The following ADAMTSL1 variants were observed in gnomAD, a reference collection of about 807,000 sequenced individuals.
ADAMTSL1 encodes the protein ADAMTS like 1.
Under a neutral mutation model 201.8 loss-of-function variants are expected in ADAMTSL1, and 126 were observed. The ratio of observed to expected loss-of-function variants is 0.62; its 90% CI spans 0.54 to 0.72. The LOEUF (loss-of-function observed/expected upper bound fraction) is 0.72. Ranked by LOEUF, ADAMTSL1 falls within the 30% of genes least tolerant of loss-of-function variation. The pLI, the probability that ADAMTSL1 is intolerant of heterozygous loss-of-function variation, is 0.00. For synonymous variants in ADAMTSL1, 1,121 were observed against 903.4 expected (o/e 1.24, Z -4.32); for missense variants, 2,679 against 2,277.8 (o/e 1.18, Z -3.59).
chr9:18,161,424 AT>A (rs1186905162), intron 1 of ADAMTSL1, among the ~76,000 whole-genome samples: 2 of 152,122 alleles, frequency 1.3e-5, no homozygotes, highest in African/African-American at 4.8e-5. Flanking sequence ...GGTGATCACC[AT>A]TTTGGATAAT....
chr9:18,890,814 A>G, intron 25 of ADAMTSL1: 1 of 328,916 alleles, frequency 3.0e-6, no homozygotes, highest in Non-Finnish European at 6.0e-6. Context: ...CCAGGGATAT[A>G]AGAGGCTGGA....
At chr9:18,637,708 G>C (rs967001020) in intron 6 of ADAMTSL1, among the ~76,000 whole-genome samples, 3 of 152,072 alleles carry the variant, frequency 2.0e-5, no homozygotes, top group African/African-American at 7.2e-5. Flanking sequence ...AAATGAATGT[G>C]GGAGTGAAAG....
chr9:18,458,546 T>G (rs1286317399), intron 2 of ADAMTSL1, among the ~76,000 whole-genome samples: 1 of 152,188 alleles, frequency 6.6e-6, no homozygotes, highest in African/African-American at 2.4e-5. Flanking sequence ...TCTTCCTTCA[T>G]GTCGAGTGTC....
intron 1 of ADAMTSL1, among the ~76,000 whole-genome samples, chr9:18,483,641 C>T (rs540850438): frequency 6.6e-6 from 1 of 152,278 alleles, no homozygotes; most frequent in East Asian, 1.9e-4. Context: ...TCCTCGCTAA[C>T]ACGGTGAAAC....
At chr9:17,938,428 G>A (rs997929888) in intron 1 of ADAMTSL1, among the ~76,000 whole-genome samples, 5 of 152,216 alleles carry the variant, frequency 3.3e-5, no homozygotes, top group Admixed American at 1.3e-4. Flanking sequence ...GTACTATGCC[G>A]GGCATCTTTA....
At chr9:18,395,180 T>A (rs1440679241) in intron 2 of ADAMTSL1, among the ~76,000 whole-genome samples, 6 of 152,214 alleles carry the variant, frequency 3.9e-5, no homozygotes, top group Admixed American at 3.9e-4. Flanking sequence ...TCCAGCATTA[T>A]GTCATGGAAA....
At chr9:18,695,284 A>C (rs1831485450) in intron 13 of ADAMTSL1, among the ~76,000 whole-genome samples, 1 of 152,180 alleles carries the variant, frequency 6.6e-6, no homozygotes, top group Non-Finnish European at 1.5e-5. Context: ...AATGCCTTCA[A>C]GGGCATTTTC....
At chr9:18,113,459 G>A (rs1825116441) in intron 1 of ADAMTSL1, among the ~76,000 whole-genome samples, 1 of 152,146 alleles carries the variant, frequency 6.6e-6, no homozygotes, top group African/African-American at 2.4e-5. Flanking sequence ...TGAGGCAGAA[G>A]AAAGTCAAGG....
intron 4 of ADAMTSL1, among the ~76,000 whole-genome samples, chr9:18,606,815 T>G (rs1825047942): frequency 6.6e-6 from 1 of 152,172 alleles, no homozygotes; most frequent in South Asian, 2.1e-4. Flanking sequence ...GTTTGGTAAG[T>G]GAGAACCATC....
intron 1 of ADAMTSL1, among the ~76,000 whole-genome samples, chr9:17,987,978 A>G (rs1227255847): frequency 6.6e-6 from 1 of 152,072 alleles, no homozygotes; most frequent in Non-Finnish European, 1.5e-5. Flanking sequence ...ATGGGCTATG[A>G]CAAACGTGTT....
chr9:18,368,025 G>A (rs1043637250), intron 2 of ADAMTSL1, among the ~76,000 whole-genome samples: 17 of 151,682 alleles, frequency 1.1e-4, no homozygotes, highest in African/African-American at 2.9e-4. Context: ...TCAGCCCCCT[G>A]AGTAGCTGGG....
chr9:18,834,036 C>T (rs1191160316), intron 23 of ADAMTSL1, among the ~76,000 whole-genome samples: 1 of 152,114 alleles, frequency 6.6e-6, no homozygotes, highest in Non-Finnish European at 1.5e-5. Flanking sequence ...TATTCTGTTC[C>T]ATTGGCCTAT....
chr9:17,973,095 T>A (rs931286003), intron 1 of ADAMTSL1, among the ~76,000 whole-genome samples: 3 of 56,316 alleles, frequency 5.3e-5, no homozygotes, highest in African/African-American at 5.5e-5. Context: ...TTGCAAAAAT[T>A]TTCTCCCATT....
At chr9:17,916,827 G>C (rs1453834540) in intron 1 of ADAMTSL1, among the ~76,000 whole-genome samples, 1 of 152,118 alleles carries the variant, frequency 6.6e-6, no homozygotes, top group Non-Finnish European at 1.5e-5. Flanking sequence ...TGCATGCGGG[G>C]ATTTGATTAG....
intron 16 of ADAMTSL1, 118 bp downstream of exon 16, chr9:18,753,626 A>G (rs1335807711): frequency 4.4e-6 from 5 of 1,133,330 alleles, no homozygotes; most frequent in Non-Finnish European, 6.4e-6. Context: ...AGATCTGCTC[A>G]TTTCTCCCTT....
At chr9:18,150,790 G>A (rs138712460) in intron 1 of ADAMTSL1, among the ~76,000 whole-genome samples, 1 of 151,994 alleles carries the variant, frequency 6.6e-6, no homozygotes, top group Admixed American at 6.6e-5. Flanking sequence ...GAAGAGATTT[G>A]CCTTAATCAA....
intron 1 of ADAMTSL1, among the ~76,000 whole-genome samples, chr9:17,947,312 TACACACACACACACACAC>T (rs34840423): frequency 1.4e-4 from 20 of 143,316 alleles, no homozygotes; most frequent in Non-Finnish European, 2.6e-4. Context: ...TATACACACA[TACACACACACACACACAC>T]ACACACACAC....
chr9:17,909,716 G>T (rs1825861003), intron 1 of ADAMTSL1, among the ~76,000 whole-genome samples: 1 of 66,178 alleles, frequency 1.5e-5, no homozygotes, highest in African/African-American at 3.1e-5. Context: ...ATCATTCTCA[G>T]TAAACTATCA....
At chr9:18,476,207 AT>A (rs1217761286) in intron 1 of ADAMTSL1, among the ~76,000 whole-genome samples, 2 of 152,146 alleles carry the variant, frequency 1.3e-5, no homozygotes, top group Non-Finnish European at 2.9e-5. Flanking sequence ...GCTGTCATGT[AT>A]TTTGTGTCTG....
Sources: allele counts gnomAD v4.1 joint callset (sites outside exome capture counted in the v4.1 genomes callset), GRCh38; gene constraint gnomAD v4.1.1; transcripts MANE v1.5; gene names NCBI Gene and HGNC (gene_info 2026-07-23, HGNC 2026-07-21).